Variants in JPH1 observed in about 807,000 individuals in gnomAD.
The protein encoded by JPH1 is junctophilin 1.
Under a neutral mutation model 53.6 loss-of-function variants are expected in JPH1, and 12 were observed. The ratio of observed to expected loss-of-function variants is 0.22; its 90% confidence interval spans 0.14 to 0.36. The LOEUF is 0.36. Ranked by LOEUF, JPH1 falls within the 10% of genes least tolerant of loss-of-function variation. The pLI is 1.00. For synonymous variants in JPH1, 375 were observed against 363.8 expected (o/e 1.03, Z -0.35); for missense variants, 808 against 905.5 (o/e 0.89, Z 1.38).
chr8:74,256,651 A>G (rs182090333), intron 3 of JPH1, among the ~76,000 whole-genome samples: 17 of 152,294 alleles, frequency 1.1e-4, no homozygotes, highest in East Asian at 7.7e-4. Flanking sequence ...CAAAAGACAC[A>G]TGGAAAAAAG....
intron 2 of JPH1, among the ~76,000 whole-genome samples, chr8:74,272,280 G>A (rs918855592): frequency 2.0e-5 from 3 of 152,116 alleles, no homozygotes; most frequent in Non-Finnish European, 2.9e-5. Flanking sequence ...TACATTATTT[G>A]CTACTCTGGG....
intron 2 of JPH1, among the ~76,000 whole-genome samples, chr8:74,285,911 T>C (rs780178285): frequency 6.6e-6 from 1 of 152,228 alleles, no homozygotes; most frequent in Non-Finnish European, 1.5e-5. Flanking sequence ...GGGAAAGGAT[T>C]TGGTCAGCTG....
intron 3 of JPH1, among the ~76,000 whole-genome samples, chr8:74,245,586 C>A (rs1805838301): frequency 6.6e-6 from 1 of 152,188 alleles, no homozygotes; most frequent in African/African-American, 2.4e-5. Flanking sequence ...AGAGGAGAAC[C>A]TGTAGATAAC....
chr8:74,309,057 C>G (rs1208243496), intron 2 of JPH1, among the ~76,000 whole-genome samples: 1 of 152,154 alleles, frequency 6.6e-6, no homozygotes, highest in Non-Finnish European at 1.5e-5. Flanking sequence ...GAACAGGGTG[C>G]AGAAGAGACT....
intron 3 of JPH1, among the ~76,000 whole-genome samples, chr8:74,251,167 G>C (rs1251099064): frequency 6.6e-6 from 1 of 152,186 alleles, no homozygotes; most frequent in Admixed American, 6.5e-5. Flanking sequence ...GCCAATGTGA[G>C]AGCAGTCTTC....
chr8:74,297,091 A>T (rs1167823624), intron 2 of JPH1, among the ~76,000 whole-genome samples: 1 of 152,190 alleles, frequency 6.6e-6, no homozygotes, highest in Non-Finnish European at 1.5e-5. Context: ...AGTAAAAAAA[A>T]CTGCTGGTGG....
intron 2 of JPH1, among the ~76,000 whole-genome samples, chr8:74,302,778 G>A (rs1807719938): frequency 6.6e-6 from 1 of 152,198 alleles, no homozygotes; most frequent in South Asian, 2.1e-4. Flanking sequence ...CAAAGGTACT[G>A]TGAACCTGGT....
chr8:74,251,582 A>G (rs922130855), intron 3 of JPH1, among the ~76,000 whole-genome samples: 3 of 152,156 alleles, frequency 2.0e-5, no homozygotes, highest in African/African-American at 7.2e-5. Context: ...AAGCCATCCC[A>G]CATGGCTTTG....
At chr8:74,303,060 T>G (rs1807730529) in intron 2 of JPH1, among the ~76,000 whole-genome samples, 1 of 151,896 alleles carries the variant, frequency 6.6e-6, no homozygotes, top group Admixed American at 6.5e-5. Flanking sequence ...AGAATAGAAA[T>G]TCAGATACCT....
At chr8:74,250,603 T>C (rs894506446) in intron 3 of JPH1, among the ~76,000 whole-genome samples, 2 of 152,234 alleles carry the variant, frequency 1.3e-5, no homozygotes, top group African/African-American at 4.8e-5. Context: ...CTTAAAACAT[T>C]ATGAGATTTT....
intron 2 of JPH1, among the ~76,000 whole-genome samples, chr8:74,314,134 T>G (rs1187314499): frequency 6.6e-6 from 1 of 152,224 alleles, no homozygotes; most frequent in Non-Finnish European, 1.5e-5. Context: ...GAGTCCCATC[T>G]GTCCATGTCA....
Position 74,235,160 on chromosome 8 carries a change from C to T in JPH1, c.*1891G>A, listed in dbSNP as rs1489715318. 1.3e-5 allele frequency: 2 copies of T among 152,246 alleles called. No individual in the cohort carries two copies. The highest frequency in any genetic ancestry group is 4.8e-5 in the African/African-American group (2 of 41,350). The allele number at this position is 152,246 out of a possible 1,614,324, so 9.4% of individuals were successfully genotyped here. A position where few individuals can be genotyped will look rare whatever the true frequency, so the allele number is the denominator to read the frequency against. ...TTTTTTAAAAAACCAGCTTTCCCAGCGTAAGGAGCTATAGGGTTTGGGAGG... is the reference window on the plus strand; with the variant it reads ...TTTTTTAAAAAACCAGCTTTCCCAGTGTAAGGAGCTATAGGGTTTGGGAGG... On this transcript the variant is annotated 3_prime_UTR_variant, in exon 6 of 6. Coordinates refer to ENST00000342232, the MANE Select transcript of JPH1 (RefSeq NM_020647.4).
intron 2 of JPH1, among the ~76,000 whole-genome samples, chr8:74,261,892 C>T (rs562396300): frequency 1.3e-5 from 2 of 152,174 alleles, no homozygotes; most frequent in Non-Finnish European, 2.9e-5. Context: ...CACCACCATA[C>T]AGTCAAATAA....
intron 2 of JPH1, among the ~76,000 whole-genome samples, chr8:74,288,446 G>A (rs113168591): frequency 1.3e-4 from 20 of 152,208 alleles, no homozygotes; most frequent in African/African-American, 4.6e-4. Flanking sequence ...ATTGATGAAC[G>A]ACTTTGGGGT....
At chr8:74,316,157 T>C (rs542086296) in intron 1 of JPH1, among the ~76,000 whole-genome samples, 4 of 152,248 alleles carry the variant, frequency 2.6e-5, no homozygotes, top group African/African-American at 9.6e-5. Flanking sequence ...AATTTTCTGC[T>C]ACATTCAGCA....
chr8:74,287,960 T>TA (rs1807217839), intron 2 of JPH1, among the ~76,000 whole-genome samples: 1 of 125,236 alleles, frequency 8.0e-6, no homozygotes, highest in Admixed American at 7.5e-5. Context: ...GCTGACAATA[T>TA]TTTTTTTTTT....
At chr8:74,274,479 T>C (rs1304401351) in intron 2 of JPH1, among the ~76,000 whole-genome samples, 1 of 152,224 alleles carries the variant, frequency 6.6e-6, no homozygotes, top group Admixed American at 6.5e-5. Context: ...AGCTTTCTCA[T>C]GTTTCTGAGC....
At chr8:74,311,600 C>T (rs1404866854) in intron 2 of JPH1, among the ~76,000 whole-genome samples, 1 of 151,864 alleles carries the variant, frequency 6.6e-6, no homozygotes, top group African/African-American at 2.4e-5. Context: ...TATACATGTG[C>T]CATGCTGGTG....
intron 2 of JPH1, among the ~76,000 whole-genome samples, chr8:74,266,977 G>C (rs975628776): frequency 6.6e-6 from 1 of 152,294 alleles, no homozygotes; most frequent in East Asian, 1.9e-4. Flanking sequence ...GCCTGGCATG[G>C]AGGCTGTCTT....
Sources: allele counts gnomAD v4.1 joint callset (sites outside exome capture counted in the v4.1 genomes callset), GRCh38; gene constraint gnomAD v4.1.1; transcripts MANE v1.5; gene names NCBI Gene and HGNC (gene_info 2026-07-23, HGNC 2026-07-21).